RNF43: variants seen among roughly 807,000 people sequenced by gnomAD.
The protein encoded by RNF43 is ring finger protein 43.
In RNF43, 37 loss-of-function variants were observed where a neutral mutation model predicts 78.4. The observed-to-expected ratio is 0.47, with a 90% CI of 0.36 to 0.62. The LOEUF is 0.62. Ranked by LOEUF, RNF43 falls within the 20% of genes least tolerant of loss-of-function variation. RNF43 has a pLI of 0.00. For synonymous variants in RNF43, 347 were observed against 395.0 expected (o/e 0.88, Z 1.44); for missense variants, 774 against 1,007.9 (o/e 0.77, Z 3.14).
chr17:58,382,620 C>T (rs1973344304), intron 2 of RNF43, among the ~76,000 whole-genome samples: 1 of 152,212 alleles, frequency 6.6e-6, no homozygotes, highest in East Asian at 1.9e-4. Context: ...TCCCGTTATG[C>T]TTTTATTGTC....
Position 58,370,936 on chromosome 17 carries a change from C to CG in RNF43, c.349dup (p.Arg117ProfsTer8), listed in dbSNP as rs1567880599. 2.5e-6 allele frequency: 4 copies of CG among 1,605,744 alleles called. No individual in the cohort carries two copies. Among genetic ancestry groups the CG allele is most frequent in the Non-Finnish European group, 1.7e-6 (2 of 1,175,454 alleles). On this transcript the variant is annotated frameshift_variant, in exon 3 of 10. Transcript: ENST00000407977. LOFTEE classifies it high-confidence loss of function. Reference sequence around the variant, plus strand: ...CTTGCTAGCCAGTGACAGGCAGGGGCGGGGGGCCCGTCGAGGACTCTCCAG... The same window carrying CG: ...CTTGCTAGCCAGTGACAGGCAGGGGCGGGGGGGCCCGTCGAGGACTCTCCAG...
At chr17:58,397,663 CAAA>C (rs573256327) in intron 2 of RNF43, among the ~76,000 whole-genome samples, 2 of 78,078 alleles carry the variant, frequency 2.6e-5, no homozygotes, top group Non-Finnish European at 5.5e-5. Flanking sequence ...AACTCCGTCT[CAAA>C]AAAAAAAAAA....
At chr17:58,369,022 A>G (rs1973018650) in intron 3 of RNF43, among the ~76,000 whole-genome samples, 2 of 152,014 alleles carry the variant, frequency 1.3e-5, no homozygotes, top group Non-Finnish European at 2.9e-5. Context: ...TCCCACCAAT[A>G]GCAGCAAAGC....
In RNF43 at chr17:58,357,074, A is replaced by T. The variant is rs1390141007; in HGVS notation, c.2308+394T>A. 3 of 611,994 alleles carry T rather than the reference A, an allele frequency of 4.9e-6. No homozygotes were observed. The highest frequency in any genetic ancestry group is 8.8e-6 in the Non-Finnish European group (3 of 342,300). The allele number at this position is 611,994 out of a possible 1,614,324, so 37.9% of individuals were successfully genotyped here. ...ATACCCGGCTAATTTTTGTATTTTT[A>T]GTAGAGATAGGGTTTCACCATGTTG... On this transcript the variant is annotated intron_variant, in intron 9 of 9. Coordinates refer to ENST00000407977, the MANE Select transcript of RNF43 (RefSeq NM_017763.6). This position sits in a 1 kb window ranked among gnomAD's most constrained non-coding sequence, Gnocchi z 4.5.
chr17:58,401,414 A>C (rs1367945222), intron 2 of RNF43, among the ~76,000 whole-genome samples: 2 of 152,326 alleles, frequency 1.3e-5, no homozygotes, highest in East Asian at 3.9e-4. Flanking sequence ...GTTTAGCTAC[A>C]AGAGAAAATC....
intron 2 of RNF43, among the ~76,000 whole-genome samples, chr17:58,404,234 AAC>A (rs897219986): frequency 1.2e-4 from 18 of 152,334 alleles, no homozygotes; most frequent in African/African-American, 4.3e-4. Context: ...GATGTCCAAC[AAC>A]TAAGGACAAA....
intron 2 of RNF43, among the ~76,000 whole-genome samples, chr17:58,401,815 T>G (rs2143645176): frequency 1.1e-5 from 1 of 91,796 alleles, no homozygotes; most frequent in East Asian, 3.9e-4. Flanking sequence ...ATCCATATAT[T>G]CCTAGCATAA....
At chr17:58,404,241 G>A (rs1973860235) in intron 2 of RNF43, among the ~76,000 whole-genome samples, 1 of 152,040 alleles carries the variant, frequency 6.6e-6, no homozygotes, top group African/African-American at 2.4e-5. Flanking sequence ...AACAACTAAG[G>A]ACAAAGAAAA....
At chr17:58,394,540 G>A (rs750241642) in intron 2 of RNF43, among the ~76,000 whole-genome samples, 1 of 152,242 alleles carries the variant, frequency 6.6e-6, no homozygotes, top group Non-Finnish European at 1.5e-5. Flanking sequence ...GCAGAAACCA[G>A]ATAGTTGAAC....
At chr17:58,372,578 G>C (rs1371595495) in intron 2 of RNF43, among the ~76,000 whole-genome samples, 1 of 152,194 alleles carries the variant, frequency 6.6e-6, no homozygotes, top group African/African-American at 2.4e-5. Flanking sequence ...GGCCCCCTTG[G>C]TGTCAGGCTC....
rs575160216 is a variant in RNF43, at chr17:58,417,375, G to A, written c.-744C>T. ...TATAAAATGATCAAGTCTTGAAAGA[G>A]AAAAGAAGCAAAGTAGCAAATACAT... is the stretch of plus-strand genomic sequence containing the variant. On this transcript the variant is annotated 5_prime_UTR_variant, in exon 1 of 10. Transcript: ENST00000407977. 1.3e-4 allele frequency: 20 copies of A among 152,282 alleles called. No homozygotes were observed. Among genetic ancestry groups the A allele is most frequent in the African/African-American group, 4.6e-4 (19 of 41,548 alleles). 9.4% of individuals were successfully genotyped at this position (152,282 alleles called of 1,614,324 possible).
chr17:58,403,401 T>C (rs971891784), intron 2 of RNF43, among the ~76,000 whole-genome samples: 2 of 152,150 alleles, frequency 1.3e-5, no homozygotes, highest in African/African-American at 4.8e-5. Flanking sequence ...TGGAAGAAAA[T>C]TCTTTGCAGG....
intron 2 of RNF43, among the ~76,000 whole-genome samples, chr17:58,392,628 C>G (rs1029309634): frequency 5.3e-5 from 8 of 152,206 alleles, no homozygotes; most frequent in Non-Finnish European, 1.0e-4. Flanking sequence ...GGTTATATGG[C>G]TTCTTTATCT....
chr17:58,353,012 G>A (rs566879965), downstream of RNF43: 23 of 217,696 alleles, frequency 1.1e-4, no homozygotes, highest in Non-Finnish European at 1.7e-4. Context: ...GGCCCCTTCT[G>A]GCCCTGGAGA....
rs2143398467 is a variant in RNF43, at chr17:58,357,946, G to A, written c.1830C>T (p.Leu610=). The stretch of plus-strand genomic sequence containing the variant: ...GGGCCCTGGGGCACTGTGGGTTAGA[G>A]AGCCGCCCCGAAGGGGCTGCTGAGT... ...RSNSAAPSGR[L]SNPQCPRALP... is the part of the protein sequence containing the mutation. The change falls in exon 9 of 10, where the codon CTC becomes CTT. Residue 610 remains leucine, a synonymous_variant. Transcript: ENST00000407977. The surrounding 1 kb of genome is among the most constrained non-coding windows in gnomAD (Gnocchi z 4.5). The A allele has an allele frequency of 1.2e-6, 2 of 1,612,434 alleles. No individual in the cohort carries two copies. Among genetic ancestry groups the A allele is most frequent in the Non-Finnish European group, 1.7e-6 (2 of 1,179,340 alleles).
chr17:58,361,950 A>C (rs1972842052), intron 6 of RNF43, among the ~76,000 whole-genome samples: 1 of 152,058 alleles, frequency 6.6e-6, no homozygotes, highest in South Asian at 2.1e-4. Context: ...TTTACTAAAA[A>C]TACAAAAATT....
chr17:58,366,203 T>C (rs1972946514), intron 3 of RNF43, among the ~76,000 whole-genome samples: 1 of 152,192 alleles, frequency 6.6e-6, no homozygotes, highest in South Asian at 2.1e-4. Context: ...CAGACCTTTT[T>C]TCACTCCAGA....
At chr17:58,370,289 C>T (rs1334141423) in intron 3 of RNF43, among the ~76,000 whole-genome samples, 2 of 152,002 alleles carry the variant, frequency 1.3e-5, no homozygotes, top group East Asian at 1.9e-4. Flanking sequence ...AGGATGGTCT[C>T]GATCTCCTGA....
At chr17:58,372,872 AG>A (rs1246853009) in intron 2 of RNF43, among the ~76,000 whole-genome samples, 1 of 152,216 alleles carries the variant, frequency 6.6e-6, no homozygotes, top group Non-Finnish European at 1.5e-5. Context: ...CACTGCACCA[AG>A]GAACAGAGGC....
Sources: gnomAD v4.1 joint callset for allele counts (sites outside exome capture counted in the v4.1 genomes callset) on GRCh38, gnomAD v4.1.1 for gene constraint, Gnocchi (gnomAD v3.1) non-coding constraint, MANE v1.5 for transcripts, NCBI Gene and HGNC (gene_info 2026-07-23, HGNC 2026-07-21) for gene names.